ATP9B: variants seen among roughly 807,000 people sequenced by gnomAD.
ATP9B encodes the protein ATPase phospholipid transporting 9B, also known as probable phospholipid-transporting ATPase IIB.
ATP9B carries 110 observed loss-of-function variants against 146.1 expected under a neutral mutation model. That is an observed-to-expected ratio of 0.75 (90% CI 0.65 to 0.88). ATP9B has a LOEUF of 0.88. Among genes scored for constraint, ATP9B ranks in the 40% least tolerant of loss-of-function variants. ATP9B has a pLI of 0.00. For missense variants in ATP9B, 1,499 were observed against 1,496.4 expected, an observed-to-expected ratio of 1.00 and a Z score of -0.03; for synonymous variants, 604 against 569.7, an observed-to-expected ratio of 1.06 and a Z score of -0.86.
chr18:79,376,200 C>T lies in ATP9B; in HGVS notation c.3307+774C>T, dbSNP rs934171773. 5.1e-4 allele frequency: 493 copies of T among 968,430 alleles called. 2 individuals are homozygous for T. The African/African-American group carries it at 8.8e-3, about 17-fold the overall frequency. The allele number at this position is 968,430 out of a possible 1,614,324, so 60.0% of individuals were successfully genotyped here. The stretch of plus-strand genomic sequence containing the variant: ...ACACACACACACACACACACACACA[C>T]ACACACACACACACAAAACAAAACA... On this transcript the variant is annotated intron_variant, in intron 29 of 29. Transcript: ENST00000426216.
chr18:79,134,114 C>T (rs2094418831), intron 5 of ATP9B, among the ~76,000 whole-genome samples: 1 of 152,218 alleles, frequency 6.6e-6, no homozygotes, highest in Non-Finnish European at 1.5e-5. Context: ...GCTCCAGCTC[C>T]TTCTGTGATT....
intron 14 of ATP9B, 55 bp downstream of exon 14, chr18:79,303,771 G>A (rs1162714442): frequency 2.3e-6 from 3 of 1,309,378 alleles, no homozygotes; most frequent in Non-Finnish European, 1.1e-6. Flanking sequence ...CGCGCCATGA[G>A]TCCAGCTGAG....
chr18:79,124,693 G>A (rs1309602800), intron 4 of ATP9B, among the ~76,000 whole-genome samples: 1 of 152,242 alleles, frequency 6.6e-6, no homozygotes, highest in Non-Finnish European at 1.5e-5. Context: ...CAAGGCTAGA[G>A]ATCTGTCTAT....
intron 6 of ATP9B, among the ~76,000 whole-genome samples, chr18:79,151,830 G>A (rs1177976089): frequency 1.3e-5 from 2 of 151,180 alleles, no homozygotes; most frequent in African/African-American, 2.4e-5. Flanking sequence ...CCATCAACCC[G>A]TCGTCTACAT....
At chr18:79,270,798 C>T (rs1294366803) in intron 12 of ATP9B, among the ~76,000 whole-genome samples, 1 of 152,186 alleles carries the variant, frequency 6.6e-6, no homozygotes, top group African/African-American at 2.4e-5. Context: ...TGTTCTTGAG[C>T]TTGCCTGGGG....
chr18:79,080,562 A>G (rs1401032656), intron 1 of ATP9B, among the ~76,000 whole-genome samples: 2 of 152,026 alleles, frequency 1.3e-5, no homozygotes, highest in Non-Finnish European at 2.9e-5. Flanking sequence ...CATGTCATCC[A>G]CAAACAGAGA....
At chr18:79,350,689 C>A (rs997421111) in intron 25 of ATP9B, among the ~76,000 whole-genome samples, 1 of 152,102 alleles carries the variant, frequency 6.6e-6, no homozygotes, top group African/African-American at 2.4e-5. Context: ...GGTGAAAAAT[C>A]CTAAAGGTAC....
chr18:79,328,025 G>A (rs1249276780), intron 15 of ATP9B, among the ~76,000 whole-genome samples: 2 of 149,434 alleles, frequency 1.3e-5, no homozygotes, highest in African/African-American at 2.5e-5. Flanking sequence ...TCCGTGGTTA[G>A]CGTGCTCTCC....
At chr18:79,092,043 A>G (rs551821390) in intron 1 of ATP9B, among the ~76,000 whole-genome samples, 107 of 152,228 alleles carry the variant, frequency 7.0e-4, no homozygotes, top group African/African-American at 2.3e-3. Flanking sequence ...TTTGTTTTAT[A>G]TTAATATAGC....
chr18:79,259,557 G>C (rs374435140), intron 12 of ATP9B, among the ~76,000 whole-genome samples: 2 of 152,168 alleles, frequency 1.3e-5, no homozygotes, highest in Non-Finnish European at 2.9e-5. Flanking sequence ...GAAGGTGAAG[G>C]GTGTTTGTGT....
chr18:79,358,055 G>T (rs1388249002), intron 25 of ATP9B, among the ~76,000 whole-genome samples: 322 of 8,388 alleles, frequency 0.038, no homozygotes, highest in East Asian at 0.15. Context: ...GGAGGTGTCC[G>T]TGTGAGGGAC....
At chr18:79,303,783 C>A in intron 14 of ATP9B, 67 bp downstream of exon 14, 1 of 1,128,994 alleles carries the variant, frequency 8.9e-7, no homozygotes, top group Non-Finnish European at 1.3e-6. Context: ...CCAGCTGAGC[C>A]TCGTGTGTTC....
intron 12 of ATP9B, among the ~76,000 whole-genome samples, chr18:79,269,993 C>A (rs531275714): frequency 2.0e-5 from 3 of 152,188 alleles, no homozygotes; most frequent in Non-Finnish European, 4.4e-5. Context: ...GGCCTTTAGC[C>A]GGCTCCTGTT....
At chr18:79,134,265 C>G (rs1418698954) in intron 5 of ATP9B, among the ~76,000 whole-genome samples, 1 of 152,180 alleles carries the variant, frequency 6.6e-6, no homozygotes, top group Non-Finnish European at 1.5e-5. Flanking sequence ...CCACTTCCTA[C>G]TCAAAACTTC....
chr18:79,342,728 A>T, intron 20 of ATP9B, among the ~76,000 whole-genome samples: 1 of 152,152 alleles, frequency 6.6e-6, no homozygotes. Context: ...TGCTTATACT[A>T]TTAGTATTAT....
chr18:79,351,749 C>G (rs561162511), intron 25 of ATP9B, among the ~76,000 whole-genome samples: 205 of 152,112 alleles, frequency 1.3e-3, no homozygotes, highest in African/African-American at 4.7e-3. Flanking sequence ...ACTAGGCATA[C>G]TCAGTGCACA....
At position 79,158,661 on chromosome 18, in the gene ATP9B, T is replaced by C. The variant is rs917317515; in HGVS notation, c.778+4106T>C. Among the ~76,000 whole-genome samples, 23 of 152,376 alleles carry C rather than the reference T, an allele frequency of 1.5e-4. No individual in the cohort carries two copies. The East Asian group carries it at 4.2e-3, about 28-fold the overall frequency. ...ACATTTTCTAAATTTCCTTCTGTTA[T>C]TGATTTCTAATTTCATTCCATTGTA... On this transcript the variant is annotated intron_variant, in intron 7 of 29. Transcript: ENST00000426216.
intron 9 of ATP9B, among the ~76,000 whole-genome samples, chr18:79,203,232 G>A (rs746010179): frequency 4.0e-5 from 6 of 151,144 alleles, no homozygotes; most frequent in Non-Finnish European, 8.9e-5. Context: ...ACGTGGAGGA[G>A]CAGGTACCTG....
At chr18:79,220,445 A>G (rs1458058059) in intron 11 of ATP9B, among the ~76,000 whole-genome samples, 2 of 152,092 alleles carry the variant, frequency 1.3e-5, no homozygotes, top group African/African-American at 2.4e-5. Context: ...ACCAAAAAAT[A>G]CAAAGATTCC....
Sources: gnomAD v4.1 joint callset for allele counts (sites outside exome capture counted in the v4.1 genomes callset) on GRCh38, gnomAD v4.1.1 for gene constraint, MANE v1.5 for transcripts, NCBI Gene and HGNC (gene_info 2026-07-23, HGNC 2026-07-21) for gene names.